The following BAZ1B variants were observed in gnomAD, a reference collection of about 807,000 sequenced individuals.
BAZ1B encodes the protein bromodomain adjacent to zinc finger domain 1B.
BAZ1B carries 22 observed loss-of-function variants against 153.8 expected under a neutral mutation model. The ratio of observed to expected loss-of-function variants is 0.14; its 90% CI spans 0.10 to 0.20. BAZ1B has a LOEUF of 0.20. Among genes scored for constraint, BAZ1B ranks in the 10% least tolerant of loss-of-function variants. BAZ1B has a pLI of 1.00. For missense variants in BAZ1B, 1,325 were observed against 1,799.3 expected (o/e 0.74, Z 4.77); for synonymous variants, 676 against 633.4 (o/e 1.07, Z -1.01).
intron 4 of BAZ1B, among the ~76,000 whole-genome samples, chr7:73,495,510 T>A (rs182999530): frequency 1.1e-3 from 162 of 150,932 alleles, no homozygotes; most frequent in Non-Finnish European, 1.6e-3. Context: ...AGGAAGGAAG[T>A]AAAGAAACCG....
At chr7:73,464,250 G>A (rs1788496570) in intron 11 of BAZ1B, 1 of 745,958 alleles carries the variant, frequency 1.3e-6, no homozygotes, top group African/African-American at 1.9e-5. Flanking sequence ...GAGGCATTAA[G>A]CCAAAATCTT....
intron 13 of BAZ1B, among the ~76,000 whole-genome samples, chr7:73,454,392 C>T (rs1563366339): frequency 6.6e-6 from 1 of 152,152 alleles, no homozygotes; most frequent in Non-Finnish European, 1.5e-5. Context: ...AGTGTCTCAG[C>T]TTAAGTCATG....
At chr7:73,505,473 A>G (rs1334110384) in intron 3 of BAZ1B, among the ~76,000 whole-genome samples, 2 of 152,208 alleles carry the variant, frequency 1.3e-5, no homozygotes, top group Admixed American at 6.5e-5. Context: ...CAGTACTACT[A>G]AAGTGTTGTA....
In BAZ1B at chr7:73,510,729, T is replaced by A; in HGVS notation, c.224+7A>T. The A allele has an allele frequency of 6.2e-7, 1 of 1,609,566 alleles. No individual in the cohort carries two copies. The highest frequency in any genetic ancestry group is 8.5e-7 in the Non-Finnish European group (1 of 1,175,936). ...TGGTGGCAAAGAGCAATACTTCCAT[T>A]ACTTACAGCTCAGCAACTTCCTGTT... On this transcript the variant is annotated splice_region_variant and intron_variant, in intron 2 of 19. Transcript: ENST00000339594.
intron 6 of BAZ1B, among the ~76,000 whole-genome samples, chr7:73,486,193 G>C (rs1180024132): frequency 6.6e-6 from 1 of 152,120 alleles, no homozygotes; most frequent in Non-Finnish European, 1.5e-5. Flanking sequence ...ATTCTACAAA[G>C]ATTTTAGAAA....
At chr7:73,449,487 A>G (rs1451143112) in intron 15 of BAZ1B, 55 bp downstream of exon 15, 16 of 1,543,008 alleles carry the variant, frequency 1.0e-5, no homozygotes, top group Middle Eastern at 2.0e-4. Flanking sequence ...AAGCTTAATT[A>G]TAACAGCTAT....
At chr7:73,462,244 G>C (rs1263835253) in intron 12 of BAZ1B, among the ~76,000 whole-genome samples, 4 of 150,614 alleles carry the variant, frequency 2.7e-5, no homozygotes, top group Non-Finnish European at 5.9e-5. Context: ...TCTTTAAAAA[G>C]AAAAAAAAGA....
intron 15 of BAZ1B, 99 bp downstream of exon 15, chr7:73,449,443 A>G (rs1787952314): frequency 2.2e-6 from 3 of 1,382,878 alleles, no homozygotes; most frequent in South Asian, 3.0e-5. Context: ...AGATGAACTT[A>G]AAGCTCCTTA....
At chr7:73,467,119 G>A (rs1554571287) in intron 9 of BAZ1B, among the ~76,000 whole-genome samples, 1 of 152,038 alleles carries the variant, frequency 6.6e-6, no homozygotes. Flanking sequence ...TTTTAGTAGA[G>A]ATGGGGTTTC....
intron 1 of BAZ1B, among the ~76,000 whole-genome samples, chr7:73,516,039 C>A (rs1327666440): frequency 6.6e-6 from 1 of 151,988 alleles, no homozygotes. Context: ...CCCAGCTACT[C>A]GGGAGGCTGA....
At chr7:73,509,930 C>CA (rs1382704997) in intron 2 of BAZ1B, among the ~76,000 whole-genome samples, 1 of 149,790 alleles carries the variant, frequency 6.7e-6, no homozygotes, top group Non-Finnish European at 1.5e-5. Flanking sequence ...AGTTCGAGAC[C>CA]AGCCTGGCTA....
chr7:73,518,153 G>A (rs1187651801), intron 1 of BAZ1B, among the ~76,000 whole-genome samples: 1 of 151,244 alleles, frequency 6.6e-6, no homozygotes, highest in Non-Finnish European at 1.5e-5. Context: ...TGTAATCCCA[G>A]AACTATGGGA....
Position 73,469,572 on chromosome 7 carries a change from G to C in BAZ1B, c.2811C>G (p.Phe937Leu), listed in dbSNP as rs782799099. 4 of 1,614,186 alleles carry C rather than the reference G, an allele frequency of 2.5e-6. No homozygotes were observed. Among genetic ancestry groups the C allele is most frequent in the South Asian group, 1.1e-5 (1 of 91,088 alleles). ...CTGTGTGGTCTTTGCAGTGATGGTT[G>C]AATCGGTAGTCAATGCTGTCATGTA... ...GWVHDSIDYR[F>L]NHHCKDHTVS... Residue 937 changes from phenylalanine to leucine, a missense_variant, in exon 9 of 20, where the codon TTC becomes TTG. Physicochemically the swap from Phe to Leu is conservative, Grantham distance 22. Coordinates refer to ENST00000339594, the MANE Select transcript of BAZ1B (RefSeq NM_032408.4).
chr7:73,500,302 C>A (rs1166686980), intron 3 of BAZ1B, among the ~76,000 whole-genome samples: 1 of 152,084 alleles, frequency 6.6e-6, no homozygotes, highest in Non-Finnish European at 1.5e-5. Context: ...CTTTGGGAGG[C>A]CAAGGTGGGT....
chr7:73,476,022 G>A (rs1261154785), intron 7 of BAZ1B, among the ~76,000 whole-genome samples: 5 of 151,428 alleles, frequency 3.3e-5, no homozygotes, highest in African/African-American at 1.2e-4. Context: ...ATTCATTCAT[G>A]TTGTAGCATG....
rs782172750 is a variant in BAZ1B, at chr7:73,444,009, A to G, written c.3965T>C (p.Val1322Ala). 6.2e-7 allele frequency: 1 copy of G among 1,613,748 alleles called. No individual in the cohort carries two copies. Among genetic ancestry groups the G allele is most frequent in the South Asian group, 1.1e-5 (1 of 90,942 alleles). The change falls in exon 17 of 20, where the codon GTG (valine) becomes GCG (alanine). Residue 1322 changes from valine (V) to alanine (A), a missense_variant. Val to Ala is a moderately conservative substitution (Grantham distance 64). Transcript: ENST00000339594. ...TRRSQPKAPP[V>A]DDAEVDELVL... Reference sequence around the variant, plus strand: ...CAGCTCATCCACCTCAGCATCATCCACAGGTGGTGCCTTGGGCTGAGACCT... The same window carrying G: ...CAGCTCATCCACCTCAGCATCATCCGCAGGTGGTGCCTTGGGCTGAGACCT...
Position 73,478,242 on chromosome 7 carries a change from T to C in BAZ1B, c.1219A>G (p.Arg407Gly). 6.2e-7 allele frequency: 1 copy of C among 1,614,258 alleles called. No individual in the cohort carries two copies. Among genetic ancestry groups the C allele is most frequent in the Non-Finnish European group, 8.5e-7 (1 of 1,180,040 alleles). Residue 407 changes from arginine (R) to glycine (G), a missense_variant, in exon 7 of 20, where the codon AGA becomes GGA. Coordinates refer to ENST00000339594, the MANE Select transcript of BAZ1B (RefSeq NM_032408.4). ...TGTCCATTCAGGATGCCTTTGCTTC[T>C]GCCCTTTGCCTTCAAAGGCTTGTCA... is the stretch of plus-strand genomic sequence containing the variant. ...HSDKPLKAKGRSKGILNGQKS... is the reference protein window; with the variant it reads ...HSDKPLKAKGGSKGILNGQKS...
At chr7:73,475,733 T>C (rs1409696094) in intron 7 of BAZ1B, among the ~76,000 whole-genome samples, 1 of 152,078 alleles carries the variant, frequency 6.6e-6, no homozygotes, top group Non-Finnish European at 1.5e-5. Context: ...GAAACCAGCC[T>C]GGCCAACACG....
At chr7:73,511,376 TG>T (rs1428366796) in intron 1 of BAZ1B, among the ~76,000 whole-genome samples, 3 of 152,012 alleles carry the variant, frequency 2.0e-5, no homozygotes, top group Non-Finnish European at 4.4e-5. Flanking sequence ...GGCACCTGCA[TG>T]GGATTTACAG....
Sources: allele counts gnomAD v4.1 joint callset (sites outside exome capture counted in the v4.1 genomes callset), GRCh38; gene constraint gnomAD v4.1.1; transcripts MANE v1.5; gene names NCBI Gene and HGNC (gene_info 2026-07-23, HGNC 2026-07-21).